Variants in GRIK2 observed in about 807,000 individuals in gnomAD.
GRIK2 encodes the protein glutamate receptor ionotropic, kainate 2.
Under a neutral mutation model 100.3 loss-of-function variants are expected in GRIK2, and 32 were observed. The observed-to-expected ratio is 0.32, with a 90% CI of 0.24 to 0.43. The LOEUF (loss-of-function observed/expected upper bound fraction) is 0.43, where lower values mean the gene tolerates loss of function less well. Ranked by LOEUF, GRIK2 falls within the 20% of genes least tolerant of loss-of-function variation. GRIK2 has a pLI of 1.00. For synonymous variants in GRIK2, 417 were observed against 389.4 expected (o/e 1.07, Z -0.83); for missense variants, 843 against 1,114.9 (o/e 0.76, Z 3.47).
At chr6:101,433,337 T>G (rs543708681) in intron 2 of GRIK2, among the ~76,000 whole-genome samples, 3 of 152,188 alleles carry the variant, frequency 2.0e-5, no homozygotes, top group Non-Finnish European at 4.4e-5. Flanking sequence ...AAGCCCAGAA[T>G]GCAGACTGGC....
At chr6:101,850,307 C>T (rs985645419) in intron 10 of GRIK2, among the ~76,000 whole-genome samples, 5 of 151,874 alleles carry the variant, frequency 3.3e-5, no homozygotes, top group Admixed American at 3.3e-4. Context: ...ATACCTAGCA[C>T]CTGGAAGAGT....
chr6:101,912,260 A>G (rs958765073), intron 12 of GRIK2, among the ~76,000 whole-genome samples: 1 of 151,606 alleles, frequency 6.6e-6, no homozygotes, highest in Admixed American at 6.6e-5. Flanking sequence ...GGCAAATAGA[A>G]CAAGTAATCA....
chr6:101,889,485 G>A (rs1786889969), intron 11 of GRIK2, among the ~76,000 whole-genome samples, 155 bp from the exon 12 acceptor site: 1 of 151,226 alleles, frequency 6.6e-6, no homozygotes, highest in East Asian at 1.9e-4. Flanking sequence ...AGTAAGGAAT[G>A]CTTTAAATTT....
chr6:101,891,015 G>A (rs1275130330), intron 12 of GRIK2, among the ~76,000 whole-genome samples: 2 of 148,492 alleles, frequency 1.3e-5, no homozygotes, highest in Admixed American at 6.7e-5. Context: ...GTTTTGTGCT[G>A]TATAAACAAA....
At position 101,551,419 on chromosome 6, in the gene GRIK2, G is replaced by C. The variant is rs1776502785; in HGVS notation, c.116-70530G>C. 2.0e-5 allele frequency among the ~76,000 whole-genome samples: 3 copies of C among 152,086 alleles called. No homozygotes were observed. The South Asian group carries it at 6.2e-4, about 31-fold the overall frequency. ...ACTATTCATTTTATCACTATCCACAGACATGGGAGAACTAGAAATTGAGGG... is the reference window on the plus strand; with the variant it reads ...ACTATTCATTTTATCACTATCCACACACATGGGAGAACTAGAAATTGAGGG... On this transcript the variant is annotated intron_variant, in intron 2 of 16. Coordinates refer to ENST00000369134, the MANE Select transcript of GRIK2 (RefSeq NM_021956.5).
chr6:101,928,815 A>G (rs1028312856), intron 14 of GRIK2, among the ~76,000 whole-genome samples, 183 bp downstream of exon 14: 1 of 152,120 alleles, frequency 6.6e-6, no homozygotes, highest in Non-Finnish European at 1.5e-5. Flanking sequence ...AATCATTTTA[A>G]TCTCTGAAAA....
chr6:101,565,729 TA>T (rs1249230939), intron 2 of GRIK2, among the ~76,000 whole-genome samples: 1 of 151,684 alleles, frequency 6.6e-6, no homozygotes, highest in African/African-American at 2.4e-5. Flanking sequence ...ATGCAGGGGA[TA>T]GGGGTGCTGA....
chr6:101,605,307 T>G (rs763817384), intron 2 of GRIK2, among the ~76,000 whole-genome samples: 1 of 152,016 alleles, frequency 6.6e-6, no homozygotes, highest in Non-Finnish European at 1.5e-5. Context: ...CCTTACCCAG[T>G]GGTGAATCCA....
chr6:101,688,041 C>T (rs914507852), intron 7 of GRIK2, among the ~76,000 whole-genome samples: 2 of 146,510 alleles, frequency 1.4e-5, no homozygotes, highest in East Asian at 2.0e-4. Context: ...TTGTTATGAT[C>T]ATGTGAATAT....
intron 2 of GRIK2, among the ~76,000 whole-genome samples, chr6:101,552,079 T>C (rs1452394953): frequency 1.3e-5 from 2 of 152,128 alleles, no homozygotes; most frequent in African/African-American, 2.4e-5. Flanking sequence ...CATGTGTAGT[T>C]TTTTTCAGTA....
rs370566188 is a variant in GRIK2, at chr6:101,970,492, C to T, written c.2085+41860C>T. Among the ~76,000 whole-genome samples the T allele has an allele frequency of 2.4e-4, 37 of 152,056 alleles. 1 individual carries two copies. The highest frequency in any genetic ancestry group is 8.9e-4 in the African/African-American group (37 of 41,522). ...AGGCAGTTTGGCTGTCGTATTTATA[C>T]CCACTTTTTATTATATGAAAATTAA... is the stretch of plus-strand genomic sequence containing the variant. On this transcript the variant is annotated intron_variant, in intron 14 of 16. Coordinates refer to ENST00000369134, the MANE Select transcript of GRIK2 (RefSeq NM_021956.5).
intron 5 of GRIK2, among the ~76,000 whole-genome samples, chr6:101,681,495 G>A (rs971308735): frequency 1.6e-4 from 23 of 148,138 alleles, no homozygotes; most frequent in African/African-American, 5.5e-4. Context: ...TTGGTTTCCC[G>A]AAGTCCAGGG....
At chr6:101,812,228 G>C (rs910770272) in intron 9 of GRIK2, among the ~76,000 whole-genome samples, 7 of 151,554 alleles carry the variant, frequency 4.6e-5, no homozygotes, top group African/African-American at 1.7e-4. Flanking sequence ...TTTGCCAAAT[G>C]AATGAATGAT....
chr6:101,785,315 A>G (rs1399949681), intron 7 of GRIK2, among the ~76,000 whole-genome samples: 1 of 152,074 alleles, frequency 6.6e-6, no homozygotes, highest in Non-Finnish European at 1.5e-5. Flanking sequence ...TATGTCCCAT[A>G]TGGCTTTTTG....
intron 4 of GRIK2, among the ~76,000 whole-genome samples, chr6:101,666,215 G>A (rs1031965274): frequency 2.6e-5 from 4 of 152,192 alleles, no homozygotes; most frequent in African/African-American, 9.6e-5. Context: ...TTGGCCAACG[G>A]AAGGAGTGCA....
intron 4 of GRIK2, among the ~76,000 whole-genome samples, chr6:101,668,069 G>A (rs1357986632): frequency 1.3e-5 from 2 of 152,154 alleles, no homozygotes; most frequent in Non-Finnish European, 2.9e-5. Context: ...TTCAAAGAAA[G>A]AAGGCAATAT....
At chr6:101,594,150 A>G (rs1382500061) in intron 2 of GRIK2, among the ~76,000 whole-genome samples, 1 of 151,832 alleles carries the variant, frequency 6.6e-6, no homozygotes, top group Non-Finnish European at 1.5e-5. Flanking sequence ...TTCCATGCCA[A>G]TTTAGTAATG....
intron 10 of GRIK2, among the ~76,000 whole-genome samples, chr6:101,842,850 G>A (rs1241175685): frequency 6.6e-6 from 1 of 152,104 alleles, no homozygotes; most frequent in Non-Finnish European, 1.5e-5. Flanking sequence ...TTAGTATTGA[G>A]TTCTTTATTC....
intron 5 of GRIK2, among the ~76,000 whole-genome samples, chr6:101,677,423 CCAAA>C (rs996061546): frequency 1.7e-4 from 26 of 152,154 alleles, no homozygotes; most frequent in African/African-American, 5.5e-4. Flanking sequence ...AACCAACCAA[CCAAA>C]CAAACAAACA....
Sources: gnomAD v4.1 joint callset for allele counts (sites outside exome capture counted in the v4.1 genomes callset) on GRCh38, gnomAD v4.1.1 for gene constraint, MANE v1.5 for transcripts, NCBI Gene and HGNC (gene_info 2026-07-23, HGNC 2026-07-21) for gene names.